The following FGFR2 variants were observed in gnomAD, a reference collection of about 807,000 sequenced individuals.
FGFR2 encodes BEK fibroblast growth factor receptor.
In FGFR2, 19 loss-of-function variants were observed where a neutral mutation model predicts 95.9. That is an observed-to-expected ratio of 0.20 (90% confidence interval 0.14 to 0.29). The LOEUF is 0.29. FGFR2 is among the 10% of genes least tolerant of loss of function. FGFR2 has a pLI of 1.00. For synonymous variants in FGFR2, 392 were observed against 393.3 expected (o/e 1.00, Z 0.04); for missense variants, 707 against 1,056.9 (o/e 0.67, Z 4.59).
Position 121,520,184 on chromosome 10 carries a change from G to C in FGFR2, c.749-15C>G, listed in dbSNP as rs1850326979. ...AGGCGATCGCTCTGGTGGAGAGAGGGAAGAAAGGAGGAGTGGGGATGGGAG... is the reference window on the plus strand; with the variant it reads ...AGGCGATCGCTCTGGTGGAGAGAGGCAAGAAAGGAGGAGTGGGGATGGGAG... On this transcript the variant is annotated splice_polypyrimidine_tract_variant and intron_variant, in intron 6 of 17. Transcript: ENST00000358487. 6.2e-7 allele frequency: 1 copy of C among 1,609,484 alleles called. No individual in the cohort carries two copies. The highest frequency in any genetic ancestry group is 8.5e-7 in the Non-Finnish European group (1 of 1,177,598).
chr10:121,561,292 C>T (rs1323330236), intron 4 of FGFR2, among the ~76,000 whole-genome samples: 3 of 151,902 alleles, frequency 2.0e-5, no homozygotes, highest in Admixed American at 1.3e-4. Flanking sequence ...GGTGTGGTAG[C>T]ATGTACCTGT....
chr10:121,542,250 T>C (rs527792532), intron 5 of FGFR2, among the ~76,000 whole-genome samples: 1 of 152,314 alleles, frequency 6.6e-6, no homozygotes, highest in South Asian at 2.1e-4. Context: ...AGCCTGACTA[T>C]AAACACAGCT....
chr10:121,563,814 C>G (rs1857293739), intron 4 of FGFR2, among the ~76,000 whole-genome samples: 1 of 152,184 alleles, frequency 6.6e-6, no homozygotes, highest in African/African-American at 2.4e-5. Flanking sequence ...AGTAAATGGC[C>G]TCTCCCATGT....
rs2134288260 is a variant in FGFR2, at chr10:121,518,844, G to A, written c.939+1135C>T. 1 of 1,613,954 alleles carries A rather than the reference G, an allele frequency of 6.2e-7. No individual in the cohort carries two copies. The highest frequency in any genetic ancestry group is 1.1e-5 in the South Asian group (1 of 91,072). On this transcript the variant is annotated intron_variant, in intron 7 of 17. Transcript: ENST00000358487. This position sits in a 1 kb window ranked among gnomAD's most constrained non-coding sequence, Gnocchi z 4.0. ...ATCCCCGAGTGCTAGAACAGACACAGGAGAACAATATAACGGCCAACCAGG... is the reference window on the plus strand; with the variant it reads ...ATCCCCGAGTGCTAGAACAGACACAAGAGAACAATATAACGGCCAACCAGG...
At chr10:121,545,747 C>T (rs1159608065) in intron 5 of FGFR2, among the ~76,000 whole-genome samples, 1 of 152,158 alleles carries the variant, frequency 6.6e-6, no homozygotes, top group Admixed American at 6.5e-5. Flanking sequence ...AGTAACTAAC[C>T]TAGAAAATGT....
intron 14 of FGFR2, 121 bp downstream of exon 14, chr10:121,487,870 C>A: frequency 8.2e-7 from 1 of 1,225,408 alleles, no homozygotes; most frequent in Non-Finnish European, 1.2e-6. Context: ...GAACGGGAAT[C>A]GGGGCAGGGG....
intron 9 of FGFR2, among the ~76,000 whole-genome samples, chr10:121,504,830 G>GA (rs5788500): frequency 5.3e-5 from 8 of 151,756 alleles, no homozygotes; most frequent in African/African-American, 1.9e-4. Flanking sequence ...GGTTTCTATG[G>GA]AAAAAAAAAG....
intron 12 of FGFR2, among the ~76,000 whole-genome samples, chr10:121,497,298 A>T (rs1198743551): frequency 6.6e-6 from 1 of 152,156 alleles, no homozygotes; most frequent in African/African-American, 2.4e-5. Flanking sequence ...TGTCACTCTC[A>T]TGCTGTCACC....
chr10:121,521,818 T>C (rs1850592568), intron 6 of FGFR2, among the ~76,000 whole-genome samples: 1 of 152,218 alleles, frequency 6.6e-6, no homozygotes, highest in African/African-American at 2.4e-5. Context: ...TCTCTATTTA[T>C]CTAAAAGAAC....
chr10:121,557,522 A>G (rs548296320), intron 4 of FGFR2, among the ~76,000 whole-genome samples: 1 of 152,220 alleles, frequency 6.6e-6, no homozygotes, highest in East Asian at 1.9e-4. Context: ...TCCCGAGGCT[A>G]GTCTCAAACT....
At chr10:121,526,472 C>A (rs189229411) in intron 6 of FGFR2, among the ~76,000 whole-genome samples, 2 of 152,198 alleles carry the variant, frequency 1.3e-5, no homozygotes, top group Non-Finnish European at 2.9e-5. Flanking sequence ...CTCCACCTAA[C>A]GCACTCAAGC....
chr10:121,507,350 A>C lies in FGFR2; in HGVS notation c.1288-3409T>G, dbSNP rs532863235. Among the ~76,000 whole-genome samples, 7 of 152,292 alleles carry C rather than the reference A, an allele frequency of 4.6e-5. No homozygotes were observed. In the South Asian group the frequency reaches 1.4e-3, roughly 32 times the overall value. On this transcript the variant is annotated intron_variant, in intron 9 of 17. Coordinates refer to ENST00000358487, the MANE Select transcript of FGFR2 (RefSeq NM_000141.5). Reference sequence around the variant, plus strand: ...CACCTGTAATCCTAGCACTTTGGGAAGCCAAGGTGGGCAGATCTTCTGAGG... The same window carrying C: ...CACCTGTAATCCTAGCACTTTGGGACGCCAAGGTGGGCAGATCTTCTGAGG...
rs771158421 is a variant in FGFR2, at chr10:121,519,987, C to T, written c.931G>A (p.Val311Ile). Residue 311 changes from valine (V) to isoleucine (I), a missense_variant, in exon 7 of 18, where the codon GTT becomes ATT. Around this residue, in one of 7 missense-constraint regions of FGFR2, gnomAD observed 139 missense variants for 278.1 expected, o/e 0.50. Coordinates refer to ENST00000358487, the MANE Select transcript of FGFR2 (RefSeq NM_000141.5). ...YGPDGLPYLK[V>I]LKAAGVNTTD... The stretch of plus-strand genomic sequence containing the variant: ...ATTCAGAAAGTCCTCACCTTGAGAA[C>T]CTTGAGGTAGGGCAGCCCGTCGGGC... 6.2e-7 allele frequency: 1 copy of T among 1,614,216 alleles called. No homozygotes were observed. The highest frequency in any genetic ancestry group is 8.5e-7 in the Non-Finnish European group (1 of 1,180,028).
intron 2 of FGFR2, among the ~76,000 whole-genome samples, chr10:121,589,902 T>C (rs941082075): frequency 6.6e-6 from 1 of 152,246 alleles, no homozygotes; most frequent in African/African-American, 2.4e-5. Flanking sequence ...TTTTAAATCA[T>C]TCACTCTTGG....
chr10:121,502,207 T>C (rs41295609), intron 10 of FGFR2, among the ~76,000 whole-genome samples: 222 of 152,366 alleles, frequency 1.5e-3, no homozygotes, highest in Admixed American at 3.9e-3. Context: ...TATAGGAATG[T>C]GCACATGAAC....
intron 5 of FGFR2, among the ~76,000 whole-genome samples, chr10:121,544,093 G>T (rs1472592263): frequency 6.6e-6 from 1 of 152,168 alleles, no homozygotes; most frequent in Non-Finnish European, 1.5e-5. Context: ...TGCTACAATG[G>T]CTATTCACAA....
chr10:121,500,708 A>T (rs1362212395), intron 11 of FGFR2, 118 bp downstream of exon 11: 1 of 1,393,834 alleles, frequency 7.2e-7, no homozygotes, highest in Non-Finnish European at 1.0e-6. Context: ...CTCAACCCCT[A>T]GGTCAACTAT....
chr10:121,567,764 G>T (rs543064755), intron 2 of FGFR2, among the ~76,000 whole-genome samples: 7 of 152,326 alleles, frequency 4.6e-5, no homozygotes, highest in African/African-American at 1.7e-4. Flanking sequence ...ATTAGAACAC[G>T]GCCATGCCCA....
intron 6 of FGFR2, among the ~76,000 whole-genome samples, chr10:121,534,859 A>T (rs76186367): frequency 0.036 from 5,423 of 152,302 alleles, 285 homozygotes; most frequent in African/African-American, 0.12. Flanking sequence ...TGCTAACCCA[A>T]CTGATGCCTC....
Sources: allele counts gnomAD v4.1 joint callset (sites outside exome capture counted in the v4.1 genomes callset), GRCh38; gene constraint gnomAD v4.1.1; regional missense constraint gnomAD v4.1.1; non-coding constraint Gnocchi (gnomAD v3.1); transcripts MANE v1.5; gene names NCBI Gene and HGNC (gene_info 2026-07-23, HGNC 2026-07-21).